The following LTBP1 variants were observed in gnomAD, a reference collection of about 807,000 sequenced individuals.
LTBP1 encodes latent transforming growth factor beta binding protein 1.
A neutral mutation model predicts 207.6 loss-of-function variants in LTBP1; 129 were observed. The ratio of observed to expected loss-of-function variants is 0.62; its 90% CI spans 0.54 to 0.72. The LOEUF (loss-of-function observed/expected upper bound fraction) is 0.72. Ranked by LOEUF, LTBP1 falls within the 30% of genes least tolerant of loss-of-function variation. The pLI is 0.00. For synonymous variants in LTBP1, 963 were observed against 833.7 expected, an observed-to-expected ratio of 1.16 and a Z score of -2.67; for missense variants, 2,281 against 2,217.2, an observed-to-expected ratio of 1.03 and a Z score of -0.58.
chr2:33,178,514 C>G (rs1237318233), intron 5 of LTBP1, among the ~76,000 whole-genome samples: 1 of 151,718 alleles, frequency 6.6e-6, no homozygotes, highest in Non-Finnish European at 1.5e-5. Flanking sequence ...TAATGCCCAC[C>G]AGCATTAAAA....
At chr2:33,299,051 G>A (rs571879527) in intron 20 of LTBP1, among the ~76,000 whole-genome samples, 4 of 152,114 alleles carry the variant, frequency 2.6e-5, no homozygotes, top group African/African-American at 4.8e-5. Context: ...CGAGGCAGGC[G>A]GATCATGAGG....
intron 5 of LTBP1, among the ~76,000 whole-genome samples, chr2:33,166,782 G>A (rs756624343): frequency 2.6e-4 from 40 of 152,180 alleles, no homozygotes; most frequent in Non-Finnish European, 4.1e-4. Flanking sequence ...AGTTATTTAA[G>A]TTAAATGGAA....
At chr2:33,375,480 A>C (rs960361535) in intron 31 of LTBP1, among the ~76,000 whole-genome samples, 1 of 152,138 alleles carries the variant, frequency 6.6e-6, no homozygotes, top group Non-Finnish European at 1.5e-5. Context: ...TAGGAAGTCA[A>C]AGAGAGGCTT....
At chr2:33,342,618 G>A (rs1484935871) in intron 24 of LTBP1, among the ~76,000 whole-genome samples, 1 of 152,078 alleles carries the variant, frequency 6.6e-6, no homozygotes, top group African/African-American at 2.4e-5. Context: ...AGTACTAAAT[G>A]TTTTTTTCAT....
At chr2:33,278,602 G>A (rs1169967352) in intron 18 of LTBP1, among the ~76,000 whole-genome samples, 1 of 152,152 alleles carries the variant, frequency 6.6e-6, no homozygotes, top group Non-Finnish European at 1.5e-5. Flanking sequence ...GGGAAAAGCC[G>A]AGGTGAGAGC....
intron 31 of LTBP1, among the ~76,000 whole-genome samples, chr2:33,377,781 G>A (rs1042511318): frequency 2.0e-5 from 3 of 152,118 alleles, no homozygotes; most frequent in Non-Finnish European, 4.4e-5. Context: ...GGCTGGGGAG[G>A]CCTCAGGAGA....
chr2:33,216,366 A>G (rs1445628540), intron 7 of LTBP1, among the ~76,000 whole-genome samples: 1 of 152,146 alleles, frequency 6.6e-6, no homozygotes, highest in African/African-American at 2.4e-5. Context: ...CCAGCCAGAC[A>G]TGCTCCTTTT....
At chr2:33,085,292 G>T (rs2078684450) in intron 3 of LTBP1, among the ~76,000 whole-genome samples, 1 of 152,094 alleles carries the variant, frequency 6.6e-6, no homozygotes, top group Admixed American at 6.6e-5. Flanking sequence ...CTAGTTTATG[G>T]CAATTTGTTA....
At chr2:33,199,450 A>T (rs1158529083) in intron 7 of LTBP1, among the ~76,000 whole-genome samples, 2 of 152,188 alleles carry the variant, frequency 1.3e-5, no homozygotes, top group African/African-American at 4.8e-5. Flanking sequence ...ACTCTCAATA[A>T]ATTAGGTATT....
chr2:33,282,062 CATATATATATAT>C (rs66505403), intron 19 of LTBP1, among the ~76,000 whole-genome samples: 2 of 142,852 alleles, frequency 1.4e-5, no homozygotes, highest in Admixed American at 7.1e-5. Context: ...CCTATATGTG[CATATATATATAT>C]ATATATATAT....
intron 24 of LTBP1, among the ~76,000 whole-genome samples, chr2:33,320,225 T>C (rs905280361): frequency 6.6e-6 from 1 of 151,882 alleles, no homozygotes; most frequent in Non-Finnish European, 1.5e-5. Flanking sequence ...AAAAATTAGC[T>C]GGTTGTGGCC....
At chr2:33,286,875 G>C (rs1412626775) in intron 19 of LTBP1, among the ~76,000 whole-genome samples, 1 of 152,132 alleles carries the variant, frequency 6.6e-6, no homozygotes, top group Non-Finnish European at 1.5e-5. Flanking sequence ...GGTGGGAATT[G>C]AACAATGAGA....
intron 5 of LTBP1, among the ~76,000 whole-genome samples, chr2:33,153,700 C>T (rs980589573): frequency 6.6e-6 from 1 of 152,164 alleles, no homozygotes; most frequent in Non-Finnish European, 1.5e-5. Flanking sequence ...TTATCTCTTG[C>T]CAATTCCTGG....
chr2:33,143,884 C>G (rs879412787), intron 5 of LTBP1, among the ~76,000 whole-genome samples: 1 of 151,868 alleles, frequency 6.6e-6, no homozygotes, highest in Non-Finnish European at 1.5e-5. Context: ...GCTCCAGGAC[C>G]CGGGGTTGGT....
At chr2:32,960,743 C>T (rs1446873544) in intron 2 of LTBP1, among the ~76,000 whole-genome samples, 2 of 152,102 alleles carry the variant, frequency 1.3e-5, no homozygotes, top group Non-Finnish European at 2.9e-5. Context: ...CATGTGAGGC[C>T]TGTGTGATAT....
intron 19 of LTBP1, among the ~76,000 whole-genome samples, chr2:33,290,421 A>G (rs1358370317): frequency 6.6e-6 from 1 of 152,190 alleles, no homozygotes; most frequent in Non-Finnish European, 1.5e-5. Context: ...GGGCCCCACA[A>G]GTTTGTGTCC....
intron 7 of LTBP1, among the ~76,000 whole-genome samples, chr2:33,205,137 A>G (rs2089736966): frequency 6.6e-6 from 1 of 152,226 alleles, no homozygotes; most frequent in South Asian, 2.1e-4. Flanking sequence ...GAGTGAATGA[A>G]TAACCTATAC....
intron 2 of LTBP1, among the ~76,000 whole-genome samples, chr2:32,958,581 C>G (rs924057302): frequency 6.6e-6 from 1 of 152,198 alleles, no homozygotes; most frequent in Non-Finnish European, 1.5e-5. Context: ...TGCCACAGTA[C>G]AAGTGCCACA....
At chr2:33,334,857 C>T (rs913612463) in intron 24 of LTBP1, among the ~76,000 whole-genome samples, 5 of 150,138 alleles carry the variant, frequency 3.3e-5, no homozygotes, top group Middle Eastern at 3.4e-3. Context: ...TCACTTGAGC[C>T]GAGGAGTTTG....
Sources: allele counts gnomAD v4.1 joint callset (sites outside exome capture counted in the v4.1 genomes callset), GRCh38; gene constraint gnomAD v4.1.1; transcripts MANE v1.5; gene names NCBI Gene and HGNC (gene_info 2026-07-23, HGNC 2026-07-21).